Variants in ARHGAP27 observed in about 807,000 individuals in gnomAD.
The protein encoded by ARHGAP27 is Rho GTPase activating protein 27.
In ARHGAP27, 53 loss-of-function variants were observed where a neutral mutation model predicts 102.0. The observed-to-expected ratio is 0.52, with a 90% CI of 0.42 to 0.65. The LOEUF is 0.65. Ranked by LOEUF, ARHGAP27 falls within the 30% of genes least tolerant of loss-of-function variation. ARHGAP27 has a pLI of 0.00. For synonymous variants in ARHGAP27, 525 were observed against 542.8 expected, an observed-to-expected ratio of 0.97 and a Z score of 0.46; for missense variants, 1,117 against 1,256.2, an observed-to-expected ratio of 0.89 and a Z score of 1.68.
intron 4 of ARHGAP27, among the ~76,000 whole-genome samples, chr17:45,420,660 A>C (rs1219074272): frequency 6.6e-6 from 1 of 152,200 alleles, no homozygotes; most frequent in East Asian, 1.9e-4. Flanking sequence ...AGTTTTAAAA[A>C]AGGACTGATT....
At chr17:45,398,845 C>G (rs960126459) in intron 12 of ARHGAP27, among the ~76,000 whole-genome samples, 40 of 152,222 alleles carry the variant, frequency 2.6e-4, no homozygotes, top group African/African-American at 8.9e-4. Flanking sequence ...CATGGCTGAT[C>G]CCAGGGAAAG....
chr17:45,405,497 G>A (rs1482403311), intron 5 of ARHGAP27, among the ~76,000 whole-genome samples, 179 bp downstream of exon 5: 1 of 150,256 alleles, frequency 6.7e-6, no homozygotes, highest in Non-Finnish European at 1.5e-5. Flanking sequence ...CTCCAGCCCC[G>A]CCCTTCACCC....
chr17:45,417,110 C>T lies in ARHGAP27; in HGVS notation c.658-11027G>A, dbSNP rs568484344. On this transcript the variant is annotated intron_variant, in intron 4 of 19. Coordinates refer to ENST00000685559, the MANE Select transcript of ARHGAP27 (RefSeq NM_001282290.2). ...GGCGGAGGTTGTGGTGAGCCGAGATCGAGCCATTGCACTCCAGCCTAGGCA... is the reference window on the plus strand; with the variant it reads ...GGCGGAGGTTGTGGTGAGCCGAGATTGAGCCATTGCACTCCAGCCTAGGCA... Among the ~76,000 whole-genome samples the T allele has an allele frequency of 2.7e-5, 4 of 146,876 alleles. No individual in the cohort carries two copies. The East Asian group carries it at 6.4e-4, about 23-fold the overall frequency.
At chr17:45,415,521 C>T (rs564447163) in intron 4 of ARHGAP27, among the ~76,000 whole-genome samples, 24 of 152,164 alleles carry the variant, frequency 1.6e-4, no homozygotes, top group Non-Finnish European at 3.4e-4. Flanking sequence ...TTGTACATGT[C>T]GAAAACCGTG....
intron 12 of ARHGAP27, among the ~76,000 whole-genome samples, chr17:45,402,509 A>G (rs2046561655): frequency 6.6e-6 from 1 of 152,146 alleles, no homozygotes; most frequent in Non-Finnish European, 1.5e-5. Flanking sequence ...TAAGGGTCCC[A>G]CAGCACTGCC....
Position 45,403,681 on chromosome 17 carries a change from C to T in ARHGAP27, c.1576G>A (p.Val526Met). 6 of 1,613,948 alleles carry T rather than the reference C, an allele frequency of 3.7e-6. No individual in the cohort carries two copies. The highest frequency in any genetic ancestry group is 5.1e-6 in the Non-Finnish European group (6 of 1,180,006). Reference protein sequence around the residue: ...RKKHWSASWTVLEGGVLTFFK... With the variant: ...RKKHWSASWTMLEGGVLTFFK... ...AATGTCAGGACGCCACCCTCCAGCA[C>T]AGTCCAGGAGGCACTCCAGTGCTTC... is the stretch of plus-strand genomic sequence containing the variant. The change falls in exon 11 of 20, where the codon GTG (valine) becomes ATG (methionine). Residue 526 changes from valine to methionine, a missense_variant. Val to Met is a conservative substitution (Grantham distance 21). Around this residue, in one of 3 missense-constraint regions of ARHGAP27, gnomAD observed 14 missense variants for 34.4 expected, o/e 0.41. Coordinates refer to ENST00000685559, the MANE Select transcript of ARHGAP27 (RefSeq NM_001282290.2).
At chr17:45,406,355 C>T (rs967966011) in intron 4 of ARHGAP27, among the ~76,000 whole-genome samples, 2 of 152,124 alleles carry the variant, frequency 1.3e-5, no homozygotes, top group African/African-American at 4.8e-5. Flanking sequence ...GCCCCTTGGG[C>T]GACCTTCAGG....
intron 4 of ARHGAP27, among the ~76,000 whole-genome samples, chr17:45,416,041 T>TTG (rs200722115): frequency 0.013 from 1,941 of 152,080 alleles, 19 homozygotes; most frequent in African/African-American, 0.036. Context: ...TGTTTTTTTT[T>TTG]TTTGTTTGTT....
chr17:45,410,214 G>A, intron 4 of ARHGAP27: 1 of 1,533,442 alleles, frequency 6.5e-7, no homozygotes, highest in Non-Finnish European at 8.7e-7. Context: ...GGCACCCCTT[G>A]ACCCCAGCAT....
At chr17:45,398,747 CA>C (rs1288164359) in intron 12 of ARHGAP27, among the ~76,000 whole-genome samples, 4 of 146,474 alleles carry the variant, frequency 2.7e-5, no homozygotes, top group Middle Eastern at 3.5e-3. Flanking sequence ...AAAAAAAAAA[CA>C]AAACAAAACC....
In ARHGAP27 at chr17:45,432,804, T is replaced by G. The variant is rs1169455724; in HGVS notation, c.-337A>C. On this transcript the variant is annotated 5_prime_UTR_variant, in exon 1 of 20. Transcript: ENST00000685559. Reference sequence around the variant, plus strand: ...CTCCACTTGCCCCGGCAGGCGCGCGTGGGCTCGGCGTCCCGCGCTCCCTCC... The same window carrying G: ...CTCCACTTGCCCCGGCAGGCGCGCGGGGGCTCGGCGTCCCGCGCTCCCTCC... 6.6e-6 allele frequency: 1 copy of G among 152,102 alleles called. No individual in the cohort carries two copies. Among genetic ancestry groups the G allele is most frequent in the Non-Finnish European group, 1.5e-5 (1 of 68,054 alleles). 9.4% of individuals were successfully genotyped at this position (152,102 alleles called of 1,614,324 possible). A position where few individuals can be genotyped will look rare whatever the true frequency, so the allele number is the denominator to read the frequency against.
At chr17:45,402,175 G>A (rs1245799203) in intron 12 of ARHGAP27, among the ~76,000 whole-genome samples, 1 of 152,000 alleles carries the variant, frequency 6.6e-6, no homozygotes, top group Non-Finnish European at 1.5e-5. Flanking sequence ...TCAGGGGCAG[G>A]GAAAGGGACC....
intron 4 of ARHGAP27, chr17:45,410,171 G>A (rs1306418141): frequency 1.3e-6 from 2 of 1,519,220 alleles, no homozygotes; most frequent in Non-Finnish European, 1.8e-6. Context: ...AGCTCACCCA[G>A]CTCCTAACAG....
In ARHGAP27 at chr17:45,399,615, GAAAA is replaced by G. The variant is rs2046201557; in HGVS notation, c.1744-1572_1744-1569del. 2.6e-5 allele frequency among the ~76,000 whole-genome samples: 4 copies of G among 151,582 alleles called. No homozygotes were observed. The East Asian group carries it at 5.8e-4, about 22-fold the overall frequency. On this transcript the variant is annotated intron_variant, in intron 12 of 19. Coordinates refer to ENST00000685559, the MANE Select transcript of ARHGAP27 (RefSeq NM_001282290.2). ...TCAAAGAAAAGAAAAGAAAAGAAAA[GAAAA>G]GAAAATGGCATATCTCATCCCCTAG...
At position 45,430,133 on chromosome 17, in the gene ARHGAP27, C is replaced by T. The variant is rs777985352; in HGVS notation, c.147G>A (p.Arg49=). The change falls in exon 4 of 20, where the codon CGG becomes CGA. Residue 49 remains arginine, a synonymous_variant. Coordinates refer to ENST00000685559, the MANE Select transcript of ARHGAP27 (RefSeq NM_001282290.2). This position sits in a 1 kb window ranked among gnomAD's most constrained non-coding sequence, Gnocchi z 4.4. ...RRSTEHWWHV[R]REPGGRPFYL... is the part of the protein sequence containing the mutation. Reference sequence around the variant, plus strand: ...AGAAGGGGCGGCCGCCGGGCTCACGCCGCACGTGCCACCAGTGCTCGGTGC... The same window carrying T: ...AGAAGGGGCGGCCGCCGGGCTCACGTCGCACGTGCCACCAGTGCTCGGTGC... 127 of 1,528,868 alleles carry T rather than the reference C, an allele frequency of 8.3e-5. No homozygotes were observed. Among genetic ancestry groups the T allele is most frequent in the Non-Finnish European group, 1.1e-4 (125 of 1,144,338 alleles). The allele number at this position is 1,528,868 out of a possible 1,614,324, so 94.7% of individuals were successfully genotyped here. A position where few individuals can be genotyped will look rare whatever the true frequency, so the allele number is the denominator to read the frequency against.
chr17:45,415,444 G>A (rs2048358556), intron 4 of ARHGAP27, among the ~76,000 whole-genome samples: 2 of 152,128 alleles, frequency 1.3e-5, no homozygotes, highest in South Asian at 2.1e-4. Flanking sequence ...CAGCCCCACC[G>A]GCTGTAGATC....
rs1567688347 is a variant in ARHGAP27 at position 45,396,542 on chromosome 17, C to G, written c.2118G>C (p.Glu706Asp). The G allele has an allele frequency of 6.3e-7, 1 of 1,592,502 alleles. No homozygotes were observed. The highest frequency in any genetic ancestry group is 8.5e-7 in the Non-Finnish European group (1 of 1,174,266). ...GCALAALCER[E>D]RSRVPRFVQQ... ...GCACGAAGCGTGGCACCCGGCTCCTCTCGCGCTCACACAGCGCGGCCAGCG... is the reference window on the plus strand; with the variant it reads ...GCACGAAGCGTGGCACCCGGCTCCTGTCGCGCTCACACAGCGCGGCCAGCG... The change falls in exon 16 of 20, where the codon GAG becomes GAC. Residue 706 changes from glutamate to aspartate, a missense_variant. By Grantham distance (45) the Glu-to-Asp change is conservative (BLOSUM62 2). Coordinates refer to ENST00000685559, the MANE Select transcript of ARHGAP27 (RefSeq NM_001282290.2).
chr17:45,398,502 G>C (rs950682345), intron 12 of ARHGAP27, among the ~76,000 whole-genome samples: 2 of 152,138 alleles, frequency 1.3e-5, no homozygotes, highest in Admixed American at 6.5e-5. Flanking sequence ...TTGGGAGGCC[G>C]AGGCGGGCAG....
At position 45,404,044 on chromosome 17, in the gene ARHGAP27, T is replaced by G. The variant is rs761056883; in HGVS notation, c.1532A>C (p.Lys511Thr). The change falls in exon 10 of 20, where the codon AAG becomes ACG. Residue 511 changes from lysine (K) to threonine (T), a missense_variant. Physicochemically the swap from Lys to Thr is moderately conservative, Grantham distance 78. This residue lies in a region of ARHGAP27 where 14 missense variants were observed against 34.4 expected (regional missense o/e 0.41). Transcript: ENST00000685559. ...GGGCTCTCACCGGAGCCGCTTTCCC[T>G]TGTCTGCCGTCTTGGTGCGATGGAG... ...GVLHRTKTAD[K>T]GKRLRKKHWS... The G allele has an allele frequency of 1.2e-6, 2 of 1,613,802 alleles. No homozygotes were observed. Among genetic ancestry groups the G allele is most frequent in the Non-Finnish European group, 1.7e-6 (2 of 1,179,928 alleles).
Sources: allele counts gnomAD v4.1 joint callset (sites outside exome capture counted in the v4.1 genomes callset), GRCh38; gene constraint gnomAD v4.1.1; regional missense constraint gnomAD v4.1.1; non-coding constraint Gnocchi (gnomAD v3.1); transcripts MANE v1.5; gene names NCBI Gene and HGNC (gene_info 2026-07-23, HGNC 2026-07-21).